The following ATP8A2 variants were observed in gnomAD, a reference collection of about 807,000 sequenced individuals.
The protein encoded by ATP8A2 is ATPase phospholipid transporting 8A2.
A neutral mutation model predicts 165.6 loss-of-function variants in ATP8A2; 100 were observed. That is an observed-to-expected ratio of 0.60 (90% CI 0.51 to 0.71). The LOEUF (loss-of-function observed/expected upper bound fraction) is 0.71, where lower values mean the gene tolerates loss of function less well. Among genes scored for constraint, ATP8A2 ranks in the 30% least tolerant of loss-of-function variants. ATP8A2 has a pLI of 0.00. For synonymous variants in ATP8A2, 543 were observed against 548.8 expected (o/e 0.99, Z 0.15); for missense variants, 1,227 against 1,479.5 (o/e 0.83, Z 2.80).
chr13:25,838,434 A>G (rs1384848140), intron 29 of ATP8A2, among the ~76,000 whole-genome samples: 1 of 152,216 alleles, frequency 6.6e-6, no homozygotes, highest in Non-Finnish European at 1.5e-5. Flanking sequence ...ATGGGAAAAT[A>G]TGACCCATTT....
chr13:25,734,770 C>T (rs1051825852), intron 25 of ATP8A2, among the ~76,000 whole-genome samples: 3 of 152,158 alleles, frequency 2.0e-5, no homozygotes, highest in African/African-American at 7.2e-5. Context: ...TCCTAAGTAG[C>T]TGAGATTACA....
intron 1 of ATP8A2, among the ~76,000 whole-genome samples, chr13:25,438,890 G>A (rs2034853114): frequency 6.6e-6 from 1 of 152,102 alleles, no homozygotes; most frequent in Non-Finnish European, 1.5e-5. Flanking sequence ...AGAAAACAAA[G>A]GATAAGAGAA....
chr13:25,614,002 GA>G (rs2040757896), intron 24 of ATP8A2, among the ~76,000 whole-genome samples: 1 of 152,184 alleles, frequency 6.6e-6, no homozygotes, highest in Non-Finnish European at 1.5e-5. Flanking sequence ...ATAACCTGAT[GA>G]CTGTGTACCT....
At chr13:25,998,341 C>T (rs1437394002) in intron 35 of ATP8A2, among the ~76,000 whole-genome samples, 4 of 152,122 alleles carry the variant, frequency 2.6e-5, no homozygotes, top group Admixed American at 2.0e-4. Flanking sequence ...TTTCACCTCC[C>T]CATAAGGGTG....
chr13:25,402,913 G>A (rs959082077), intron 1 of ATP8A2, among the ~76,000 whole-genome samples: 6 of 152,138 alleles, frequency 3.9e-5, no homozygotes, highest in African/African-American at 1.2e-4. Flanking sequence ...TTCAGTTTCC[G>A]ATGAGGTCCC....
intron 26 of ATP8A2, among the ~76,000 whole-genome samples, chr13:25,774,129 A>G (rs749516822): frequency 2.6e-5 from 3 of 116,594 alleles, no homozygotes; most frequent in South Asian, 3.3e-4. Flanking sequence ...TTGCAGCACT[A>G]TTCATAATAG....
intron 2 of ATP8A2, among the ~76,000 whole-genome samples, chr13:25,481,796 T>TGAGCAA (rs1374734497): frequency 6.6e-6 from 1 of 151,760 alleles, no homozygotes; most frequent in Non-Finnish European, 1.5e-5. Flanking sequence ...ACAGAGAGAG[T>TGAGCAA]GAGCAAGAGC....
chr13:25,609,568 A>AATATATATATATATCTTTGGATTCAAAT (rs145694634), intron 24 of ATP8A2, among the ~76,000 whole-genome samples: 1 of 35,428 alleles, frequency 2.8e-5, no homozygotes. Context: ...TTTGGATTCA[A>AATATATATATATATCTTTGGATTCAAAT]ATATATATAT....
At chr13:25,461,897 A>G (rs2035515938) in intron 1 of ATP8A2, among the ~76,000 whole-genome samples, 1 of 151,870 alleles carries the variant, frequency 6.6e-6, no homozygotes, top group Non-Finnish European at 1.5e-5. Flanking sequence ...AGACTATGAG[A>G]TAGAGACCAT....
At chr13:25,409,505 A>G (rs930902412) in intron 1 of ATP8A2, among the ~76,000 whole-genome samples, 1 of 152,228 alleles carries the variant, frequency 6.6e-6, no homozygotes, top group Non-Finnish European at 1.5e-5. Context: ...AAGAATGATA[A>G]TATCTTCTTT....
At chr13:25,666,428 T>C (rs914620697) in intron 24 of ATP8A2, among the ~76,000 whole-genome samples, 4 of 151,964 alleles carry the variant, frequency 2.6e-5, no homozygotes, top group Non-Finnish European at 5.9e-5. Flanking sequence ...TTAGTAGAGA[T>C]GATGTTTCAC....
At chr13:26,016,053 C>T (rs1283184832) in intron 36 of ATP8A2, among the ~76,000 whole-genome samples, 3 of 152,184 alleles carry the variant, frequency 2.0e-5, no homozygotes, top group Non-Finnish European at 4.4e-5. Flanking sequence ...TAACTCCCGC[C>T]AGGCCTGGTT....
intron 24 of ATP8A2, among the ~76,000 whole-genome samples, chr13:25,663,946 C>G (rs189460161): frequency 6.6e-6 from 1 of 152,132 alleles, no homozygotes; most frequent in African/African-American, 2.4e-5. Context: ...TGGTGGCTCA[C>G]GCCTGTAATC....
chr13:25,743,091 G>A (rs1314492357), intron 25 of ATP8A2, among the ~76,000 whole-genome samples: 1 of 152,008 alleles, frequency 6.6e-6, no homozygotes, highest in East Asian at 1.9e-4. Context: ...TTGAGATGAG[G>A]TCATTAGGGT....
chr13:25,532,086 G>T (rs1242832097), intron 4 of ATP8A2, among the ~76,000 whole-genome samples, 186 bp from the exon 5 acceptor site: 3 of 152,162 alleles, frequency 2.0e-5, no homozygotes, highest in African/African-American at 7.2e-5. Context: ...TGAAACTAGA[G>T]GAGACCACTT....
chr13:25,924,167 T>C (rs1044479741), intron 33 of ATP8A2, among the ~76,000 whole-genome samples: 1 of 152,198 alleles, frequency 6.6e-6, no homozygotes, highest in Non-Finnish European at 1.5e-5. Flanking sequence ...CACTAAAGGC[T>C]TAACAAGAAC....
intron 33 of ATP8A2, among the ~76,000 whole-genome samples, chr13:25,874,260 G>A (rs1388387648): frequency 6.6e-6 from 1 of 152,130 alleles, no homozygotes; most frequent in Non-Finnish European, 1.5e-5. Flanking sequence ...CTGGTGTGAG[G>A]AGCGAGCTCC....
rs1440692474 is a variant in ATP8A2, at chr13:25,903,425, C to T, written c.3183+41017C>T. ...CCACTAACCCCACCTGGTCTCCCAT[C>T]CTCCATCCTGTCCCCTCTAAGTCTG... On this transcript the variant is annotated intron_variant, in intron 33 of 36. Coordinates refer to ENST00000381655, the MANE Select transcript of ATP8A2 (RefSeq NM_016529.6). 2.2e-4 allele frequency among the ~76,000 whole-genome samples: 33 copies of T among 152,188 alleles called. 2 individuals are homozygous for T. Among genetic ancestry groups the T allele is most frequent in the Admixed American group, 2.2e-3 (33 of 15,282 alleles).
intron 2 of ATP8A2, among the ~76,000 whole-genome samples, chr13:25,478,804 T>C (rs1479336311): frequency 6.6e-6 from 1 of 152,104 alleles, no homozygotes; most frequent in East Asian, 1.9e-4. Flanking sequence ...AAGTTCTCTG[T>C]CTATATCAGT....
Sources: allele counts gnomAD v4.1 joint callset (sites outside exome capture counted in the v4.1 genomes callset), GRCh38; gene constraint gnomAD v4.1.1; transcripts MANE v1.5; gene names NCBI Gene and HGNC (gene_info 2026-07-23, HGNC 2026-07-21).